The following ZRANB1 variants were observed in gnomAD, a reference collection of about 807,000 sequenced individuals.
ZRANB1 encodes the protein ubiquitin thioesterase ZRANB1.
ZRANB1 carries 16 observed loss-of-function variants against 80.5 expected under a neutral mutation model. The observed-to-expected ratio is 0.20, with a 90% confidence interval of 0.13 to 0.30. The LOEUF (loss-of-function observed/expected upper bound fraction) is 0.30, where lower values mean the gene tolerates loss of function less well. ZRANB1 is among the 10% of genes least tolerant of loss of function. The pLI, the probability that ZRANB1 is intolerant of heterozygous loss-of-function variation, is 1.00. For missense variants in ZRANB1, 576 were observed against 862.6 expected (o/e 0.67, Z 4.16); for synonymous variants, 291 against 293.1 (o/e 0.99, Z 0.07).
chr10:124,926,024 C>T, the ZRANB1 span, among the ~76,000 whole-genome samples: 1 of 152,078 alleles, frequency 6.6e-6, no homozygotes, highest in East Asian at 1.9e-4. Flanking sequence ...TGGTGTTTTT[C>T]TAACACAAAG....
Position 124,977,489 on chromosome 10 carries a change from C to T in ZRANB1, c.1427+3091C>T, listed in dbSNP as rs565660914. ...AGAGATAGGGAGATTGTGGGCAGATCTCTTGAGCCTAGGAGTTCAAGACAA... is the reference window on the plus strand; with the variant it reads ...AGAGATAGGGAGATTGTGGGCAGATTTCTTGAGCCTAGGAGTTCAAGACAA... On this transcript the variant is annotated intron_variant, in intron 5 of 8. Transcript: ENST00000359653. 9.6e-4 allele frequency among the ~76,000 whole-genome samples: 145 copies of T among 151,680 alleles called. 1 individual carries two copies. Among genetic ancestry groups the T allele is most frequent in the African/African-American group, 3.3e-3 (137 of 41,352 alleles).
chr10:124,927,144 A>G, the ZRANB1 span, among the ~76,000 whole-genome samples: 1 of 151,912 alleles, frequency 6.6e-6, no homozygotes, highest in Non-Finnish European at 1.5e-5. Context: ...TTTAGTGGAG[A>G]TGGGGTTTCA....
At position 124,942,865 on chromosome 10, in the gene ZRANB1, A is replaced by G; in HGVS notation, c.372A>G (p.Gly124=). 6.2e-7 allele frequency: 1 copy of G among 1,614,224 alleles called. No individual in the cohort carries two copies. The highest frequency in any genetic ancestry group is 8.5e-7 in the Non-Finnish European group (1 of 1,180,032). The change falls in exon 1 of 9, where the codon GGA becomes GGG. Residue 124 remains glycine (G), a synonymous_variant. Coordinates refer to ENST00000359653, the MANE Select transcript of ZRANB1 (RefSeq NM_017580.3). ...CTACAGAATCTCCTCAGTCCTCAGG[A>G]TCTGGCTCAAGACCAGTTGCTTTTT... The part of the protein sequence containing the change: ...RSPTESPQSS[G]SGSRPVAFSV...
At position 124,981,685 on chromosome 10, in the gene ZRANB1, T is replaced by C. The variant is rs767274794; in HGVS notation, c.1428-24T>C. Reference sequence around the variant, plus strand: ...TATTTATAGAAGACTATTTATTTATTTTTTTACTATCCTGCTTTTTTAGGT... The same window carrying C: ...TATTTATAGAAGACTATTTATTTATCTTTTTACTATCCTGCTTTTTTAGGT... On this transcript the variant is annotated intron_variant, in intron 5 of 8. Coordinates refer to ENST00000359653, the MANE Select transcript of ZRANB1 (RefSeq NM_017580.3). The C allele has an allele frequency of 2.5e-6, 4 of 1,578,166 alleles. No individual in the cohort carries two copies. In the Admixed American group the frequency reaches 5.9e-5, roughly 23 times the overall value.
chr10:124,984,054 G>GGGGA (rs1951970667), intron 8 of ZRANB1, among the ~76,000 whole-genome samples: 1 of 152,114 alleles, frequency 6.6e-6, no homozygotes, highest in Admixed American at 6.5e-5. Context: ...TAGGCGGCAG[G>GGGGA]GGGAGGGAGG....
In ZRANB1 at chr10:124,983,699, T is replaced by A. The variant is rs1951963357; in HGVS notation, c.1908+11T>A. Reference sequence around the variant, plus strand: ...CTTTCTGCTCAGGAGGTAAGCAGTTTCTCCTATGAACTATTTCTAGTAGTG... The same window carrying A: ...CTTTCTGCTCAGGAGGTAAGCAGTTACTCCTATGAACTATTTCTAGTAGTG... On this transcript the variant is annotated intron_variant, in intron 8 of 8. Transcript: ENST00000359653. This position sits in a 1 kb window ranked among gnomAD's most constrained non-coding sequence, Gnocchi z 6.2. 6.4e-7 allele frequency: 1 copy of A among 1,557,134 alleles called. No homozygotes were observed. The highest frequency in any genetic ancestry group is 1.4e-5 in the African/African-American group (1 of 73,598).
intron 8 of ZRANB1, 58 bp from the exon 9 acceptor site, chr10:124,984,716 C>A: frequency 6.5e-7 from 1 of 1,545,042 alleles, no homozygotes; most frequent in South Asian, 1.2e-5. Context: ...TGTCACATTC[C>A]TACCAAGTCT....
chr10:124,965,609 CTAAGAA>C (rs1951769864), intron 1 of ZRANB1, among the ~76,000 whole-genome samples: 1 of 152,166 alleles, frequency 6.6e-6, no homozygotes, highest in African/African-American at 2.4e-5. Context: ...TAAAAGTACA[CTAAGAA>C]TATTTTTTTA....
intron 1 of ZRANB1, among the ~76,000 whole-genome samples, chr10:124,958,273 C>T (rs1246202275): frequency 6.6e-6 from 1 of 152,094 alleles, no homozygotes; most frequent in African/African-American, 2.4e-5. Flanking sequence ...AAAAACTTAG[C>T]TGGGTGTGGT....
intron 1 of ZRANB1, among the ~76,000 whole-genome samples, chr10:124,948,662 C>T (rs1347114770): frequency 1.3e-5 from 2 of 152,090 alleles, no homozygotes; most frequent in Non-Finnish European, 1.5e-5. Flanking sequence ...CATCCCTGTC[C>T]ATTATCCCTC....
At chr10:124,978,324 A>C (rs1951898787) in intron 5 of ZRANB1, among the ~76,000 whole-genome samples, 2 of 152,182 alleles carry the variant, frequency 1.3e-5, no homozygotes, top group South Asian at 2.1e-4. Context: ...TGCCTTTTGC[A>C]CTTAATTGAA....
chr10:124,968,372 T>G (rs1011945422), intron 2 of ZRANB1, among the ~76,000 whole-genome samples: 8 of 152,218 alleles, frequency 5.3e-5, no homozygotes, highest in African/African-American at 1.9e-4. Flanking sequence ...TTAAAAAATT[T>G]GAAGGTTAGA....
intron 1 of ZRANB1, among the ~76,000 whole-genome samples, chr10:124,964,175 T>C (rs1951759309): frequency 6.6e-6 from 1 of 152,254 alleles, no homozygotes; most frequent in African/African-American, 2.4e-5. Flanking sequence ...TATTGAGACA[T>C]AATTTCACAT....
Position 124,984,997 on chromosome 10 carries a change from A to G in ZRANB1, c.*5A>G, listed in dbSNP as rs754730543. ...GAGGATGATGAAGATGAATGAAAAA[A>G]AAAATCAAACAGCAGAAGACCAAGG... On this transcript the variant is annotated 3_prime_UTR_variant, in exon 9 of 9. Coordinates refer to ENST00000359653, the MANE Select transcript of ZRANB1 (RefSeq NM_017580.3). The G allele has an allele frequency of 2.5e-6, 4 of 1,603,702 alleles. No individual in the cohort carries two copies. In the South Asian group the frequency reaches 4.4e-5, roughly 18 times the overall value.
At position 124,962,843 on chromosome 10, in the gene ZRANB1, C is replaced by G. The variant is rs115436158; in HGVS notation, c.815-3751C>G. Among the ~76,000 whole-genome samples the G allele has an allele frequency of 2.5e-3, 385 of 152,230 alleles. 5 individuals carry two copies. Among genetic ancestry groups the G allele is most frequent in the African/African-American group, 9.0e-3 (374 of 41,556 alleles). On this transcript the variant is annotated intron_variant, in intron 1 of 8. Coordinates refer to ENST00000359653, the MANE Select transcript of ZRANB1 (RefSeq NM_017580.3). The stretch of plus-strand genomic sequence containing the variant: ...ATTCAATTTTGAATGTATGGTGATA[C>G]TACAGATTAGTTTTATAAAATTAAT...
the ZRANB1 span, among the ~76,000 whole-genome samples, chr10:124,932,895 A>T: frequency 6.6e-6 from 1 of 151,994 alleles, no homozygotes; most frequent in Non-Finnish European, 1.5e-5. Context: ...TCATATGCTT[A>T]TTTACCACCT....
At chr10:124,919,234 T>G in the ZRANB1 span, among the ~76,000 whole-genome samples, 25,528 of 152,176 alleles carry the variant, frequency 0.17, 2,283 homozygotes, top group African/African-American at 0.23. Flanking sequence ...AAATGTAAAC[T>G]TTAAATGTGA....
chr10:124,956,608 A>G (rs1257472987), intron 1 of ZRANB1, among the ~76,000 whole-genome samples: 1 of 152,148 alleles, frequency 6.6e-6, no homozygotes, highest in Admixed American at 6.5e-5. Flanking sequence ...AGCTGGGACT[A>G]TAGGCAAGCT....
At chr10:124,924,933 G>A in the ZRANB1 span, among the ~76,000 whole-genome samples, 2 of 150,188 alleles carry the variant, frequency 1.3e-5, no homozygotes, top group African/African-American at 2.5e-5. Context: ...TTGAGACAGC[G>A]TCTCAGTTTG....
Sources: allele counts gnomAD v4.1 joint callset (sites outside exome capture counted in the v4.1 genomes callset), GRCh38; gene constraint gnomAD v4.1.1; non-coding constraint Gnocchi (gnomAD v3.1); transcripts MANE v1.5; gene names NCBI Gene and HGNC (gene_info 2026-07-23, HGNC 2026-07-21).